The following CAPZA1 variants were observed in gnomAD, a reference collection of about 807,000 sequenced individuals.
CAPZA1 encodes capping actin protein of muscle Z-line subunit alpha 1, also known as F-actin-capping protein subunit alpha-1.
CAPZA1 carries 10 observed loss-of-function variants against 40.8 expected under a neutral mutation model. That is an observed-to-expected ratio of 0.25 (90% CI 0.15 to 0.42). The LOEUF (loss-of-function observed/expected upper bound fraction) is 0.42. Ranked by LOEUF, CAPZA1 falls within the 10% of genes least tolerant of loss-of-function variation. The pLI is 1.00. For synonymous variants in CAPZA1, 98 were observed against 115.0 expected (o/e 0.85, Z 0.95); for missense variants, 277 against 353.8 (o/e 0.78, Z 1.74).
intron 7 of CAPZA1, among the ~76,000 whole-genome samples, chr1:112,666,300 CCTGT>C (rs1671724046): frequency 4.6e-5 from 7 of 152,032 alleles, no homozygotes; most frequent in Admixed American, 4.6e-4. Flanking sequence ...TCATTCTCTA[CCTGT>C]CTACTTAGGT....
intron 1 of CAPZA1, among the ~76,000 whole-genome samples, chr1:112,624,225 T>C (rs1670750675): frequency 6.6e-6 from 1 of 152,112 alleles, no homozygotes; most frequent in Admixed American, 6.6e-5. Context: ...TTTCTGATTA[T>C]GTAGCCATGC....
At chr1:112,661,661 A>C (rs1217162239) in intron 7 of CAPZA1, among the ~76,000 whole-genome samples, 1 of 152,216 alleles carries the variant, frequency 6.6e-6, no homozygotes. Context: ...TGGTATCAGC[A>C]TTGTAGAAGC....
At chr1:112,657,514 C>G (rs747431638) in intron 5 of CAPZA1, among the ~76,000 whole-genome samples, 1 of 152,140 alleles carries the variant, frequency 6.6e-6, no homozygotes, top group Admixed American at 6.5e-5. Context: ...CCATGACTTC[C>G]GAATGGCATT....
chr1:112,642,201 CCT>C (rs1671182949), intron 1 of CAPZA1, among the ~76,000 whole-genome samples: 1 of 124,408 alleles, frequency 8.0e-6, no homozygotes, highest in African/African-American at 2.9e-5. Context: ...CTACCCCGCA[CCT>C]TTTTTTTTTT....
chr1:112,635,083 T>C (rs1255095069), intron 1 of CAPZA1, among the ~76,000 whole-genome samples: 1 of 152,018 alleles, frequency 6.6e-6, no homozygotes, highest in African/African-American at 2.4e-5. Context: ...AAAACTTGAG[T>C]CTTTGGAGGC....
At chr1:112,669,496 C>T in intron 8 of CAPZA1, 47 bp from the exon 9 acceptor site, 1 of 1,297,018 alleles carries the variant, frequency 7.7e-7, no homozygotes, top group Non-Finnish European at 1.1e-6. Flanking sequence ...TTACTGCTTA[C>T]ACATTAAAAA....
At chr1:112,659,818 T>C in intron 7 of CAPZA1, 39 bp downstream of exon 7, 1 of 1,492,208 alleles carries the variant, frequency 6.7e-7, no homozygotes, top group Non-Finnish European at 9.3e-7. Context: ...AAACTTCACA[T>C]CTTTAAAACA....
At chr1:112,653,181 A>C (rs953962328) in intron 3 of CAPZA1, among the ~76,000 whole-genome samples, 13 of 152,226 alleles carry the variant, frequency 8.5e-5, no homozygotes, top group African/African-American at 3.1e-4. Context: ...CAAACTTTGG[A>C]ATTAGCCGAG....
At chr1:112,666,263 T>C (rs1671723531) in intron 7 of CAPZA1, among the ~76,000 whole-genome samples, 1 of 152,266 alleles carries the variant, frequency 6.6e-6, no homozygotes, top group Non-Finnish European at 1.5e-5. Context: ...CATTCTGTTA[T>C]ACTTTTTTAT....
intron 7 of CAPZA1, 60 bp downstream of exon 7, chr1:112,659,839 G>GGCTCAAGCCTGTAATCCCAGCA: frequency 2.2e-6 from 3 of 1,339,862 alleles, no homozygotes; most frequent in Non-Finnish European, 3.2e-6. Context: ...TGTGCAGGTT[G>GGCTCAAGCCTGTAATCCCAGCA]CTTTGGTATT....
intron 1 of CAPZA1, among the ~76,000 whole-genome samples, chr1:112,645,736 CAAA>C (rs34728417): frequency 4.6e-3 from 492 of 106,974 alleles, no homozygotes; most frequent in African/African-American, 0.014. Context: ...CTTGCCAGTG[CAAA>C]AAAAAAAAAA....
chr1:112,663,011 C>G (rs1671651759), intron 7 of CAPZA1, among the ~76,000 whole-genome samples: 1 of 151,944 alleles, frequency 6.6e-6, no homozygotes, highest in Non-Finnish European at 1.5e-5. Flanking sequence ...TGTCGCCAGG[C>G]TGGAGTGCAG....
At chr1:112,643,728 C>G (rs1170117953) in intron 1 of CAPZA1, among the ~76,000 whole-genome samples, 1 of 152,198 alleles carries the variant, frequency 6.6e-6, no homozygotes, top group Admixed American at 6.5e-5. Context: ...CTAGGCCTTT[C>G]TTGACTAACG....
In CAPZA1 at chr1:112,629,852, CAT is replaced by C. The variant is rs539112946; in HGVS notation, c.39+9971_39+9972del. ...CCTTTTTTGTTCTTATTCCCTCACT[CAT>C]AGTGCCCTCCCTTTCCTCCCTTCCA... is the stretch of plus-strand genomic sequence containing the variant. On this transcript the variant is annotated intron_variant, in intron 1 of 9. Transcript: ENST00000263168. Among the ~76,000 whole-genome samples the C allele has an allele frequency of 3.3e-5, 5 of 152,212 alleles. No individual in the cohort carries two copies. The South Asian group carries it at 1.0e-3, about 32-fold the overall frequency.
chr1:112,657,806 G>T (rs1051698309), intron 5 of CAPZA1, among the ~76,000 whole-genome samples: 2 of 152,254 alleles, frequency 1.3e-5, no homozygotes, highest in South Asian at 2.1e-4. Context: ...TGGCCGGGCT[G>T]GTCTTGAACT....
At chr1:112,646,002 G>A (rs996314200) in intron 1 of CAPZA1, among the ~76,000 whole-genome samples, 11 of 151,772 alleles carry the variant, frequency 7.2e-5, no homozygotes, top group Non-Finnish European at 1.0e-4. Context: ...GGGCACAGAC[G>A]AAGAGCATAT....
chr1:112,647,868 A>C (rs1228537356), intron 2 of CAPZA1, among the ~76,000 whole-genome samples: 2 of 152,222 alleles, frequency 1.3e-5, no homozygotes, highest in Non-Finnish European at 2.9e-5. Flanking sequence ...CTGCTGTCTT[A>C]ATACATTTTA....
intron 1 of CAPZA1, among the ~76,000 whole-genome samples, chr1:112,632,801 A>C (rs1356698167): frequency 1.3e-5 from 2 of 152,244 alleles, no homozygotes. Flanking sequence ...ATGTCTAATA[A>C]AACTCTTAAT....
intron 3 of CAPZA1, among the ~76,000 whole-genome samples, chr1:112,653,188 C>T (rs548933144): frequency 4.6e-5 from 7 of 152,278 alleles, no homozygotes; most frequent in African/African-American, 1.4e-4. Context: ...TGGAATTAGC[C>T]GAGTGTGGTG....
Sources: gnomAD v4.1 joint callset for allele counts (sites outside exome capture counted in the v4.1 genomes callset) on GRCh38, gnomAD v4.1.1 for gene constraint, MANE v1.5 for transcripts, NCBI Gene and HGNC (gene_info 2026-07-23, HGNC 2026-07-21) for gene names.